The following ERBB4 variants were observed in gnomAD, a reference collection of about 807,000 sequenced individuals.
ERBB4 encodes the protein erb-b2 receptor tyrosine kinase 4.
Under a neutral mutation model 158.0 loss-of-function variants are expected in ERBB4, and 42 were observed. That is an observed-to-expected ratio of 0.27 (90% CI 0.21 to 0.34). The LOEUF (loss-of-function observed/expected upper bound fraction) is 0.34, where lower values mean the gene tolerates loss of function less well. ERBB4 is among the 10% of genes least tolerant of loss of function. ERBB4 has a pLI of 1.00. For missense variants in ERBB4, 1,333 were observed against 1,624.1 expected, an observed-to-expected ratio of 0.82 and a Z score of 3.08; for synonymous variants, 583 against 558.7, an observed-to-expected ratio of 1.04 and a Z score of -0.61.
At chr2:212,222,637 C>T (rs151211982) in intron 1 of ERBB4, among the ~76,000 whole-genome samples, 1,891 of 150,876 alleles carry the variant, frequency 0.013, 28 homozygotes, top group African/African-American at 0.043. Flanking sequence ...ATCATGATTT[C>T]CCACTCTTGC....
intron 1 of ERBB4, among the ~76,000 whole-genome samples, chr2:212,348,756 A>G (rs1021141025): frequency 2.0e-5 from 3 of 152,146 alleles, no homozygotes; most frequent in African/African-American, 7.2e-5. Context: ...TGCCATTTCA[A>G]TCACACAATA....
intron 1 of ERBB4, among the ~76,000 whole-genome samples, chr2:212,263,648 A>C (rs1353698054): frequency 1.3e-5 from 2 of 152,144 alleles, no homozygotes; most frequent in East Asian, 1.9e-4. Flanking sequence ...AAACTGTATT[A>C]ATACATTATA....
At chr2:211,450,909 T>C (rs879294547) in intron 20 of ERBB4, among the ~76,000 whole-genome samples, 3 of 152,238 alleles carry the variant, frequency 2.0e-5, no homozygotes, top group Non-Finnish European at 2.9e-5. Context: ...ATCACTCATA[T>C]TCATGCTGTA....
At chr2:211,686,955 G>C (rs903221682) in intron 12 of ERBB4, among the ~76,000 whole-genome samples, 1 of 152,056 alleles carries the variant, frequency 6.6e-6, no homozygotes, top group Non-Finnish European at 1.5e-5. Flanking sequence ...TAGGTGGGCA[G>C]AGTCACAGAG....
intron 7 of ERBB4, among the ~76,000 whole-genome samples, chr2:211,718,418 A>T (rs2073993305): frequency 6.6e-6 from 1 of 152,204 alleles, no homozygotes; most frequent in Non-Finnish European, 1.5e-5. Flanking sequence ...TGGATTTTGT[A>T]ATATTTGCAT....
In ERBB4 at chr2:211,383,692, A is replaced by T. The variant is rs748475478; in HGVS notation, c.3850T>A (p.Tyr1284Asn). 6 of 1,614,074 alleles carry T rather than the reference A, an allele frequency of 3.7e-6. No homozygotes were observed. The highest frequency in any genetic ancestry group is 5.1e-6 in the Non-Finnish European group (6 of 1,179,964). ...IRPIVAENPE[Y>N]LSEFSLKPGT... ...GGCTTCAGGGAGAACTCAGAGAGGT[A>T]TTCAGGATTCTCTGCCACAATAGGC... The change falls in exon 28 of 28, where the codon TAC (tyrosine) becomes AAC (asparagine). Residue 1284 changes from tyrosine to asparagine, a missense_variant. Physicochemically the swap from Tyr to Asn is moderately radical, Grantham distance 143 (BLOSUM62 -2). Transcript: ENST00000342788.
At chr2:211,704,978 A>C (rs2073384037) in intron 10 of ERBB4, among the ~76,000 whole-genome samples, 1 of 152,044 alleles carries the variant, frequency 6.6e-6, no homozygotes, top group Admixed American at 6.6e-5. Flanking sequence ...GTTATTTTGA[A>C]ATGGAGTCTC....
intron 25 of ERBB4, among the ~76,000 whole-genome samples, chr2:211,397,260 C>T (rs745493775): frequency 6.6e-6 from 1 of 152,122 alleles, no homozygotes; most frequent in Non-Finnish European, 1.5e-5. Context: ...AGCATTCCTG[C>T]ATCTATTTGT....
chr2:211,833,567 T>C (rs998131598), intron 3 of ERBB4, among the ~76,000 whole-genome samples: 1 of 152,006 alleles, frequency 6.6e-6, no homozygotes, highest in Admixed American at 6.6e-5. Context: ...ATGATCATCT[T>C]CCCTGAGGGA....
intron 1 of ERBB4, among the ~76,000 whole-genome samples, chr2:212,364,163 T>C (rs928954439): frequency 6.6e-6 from 1 of 151,736 alleles, no homozygotes; most frequent in African/African-American, 2.4e-5. Context: ...GCCATTCTTT[T>C]GAATCAACCT....
At chr2:211,823,349 A>G (rs1235748878) in intron 3 of ERBB4, among the ~76,000 whole-genome samples, 1 of 151,922 alleles carries the variant, frequency 6.6e-6, no homozygotes, top group Non-Finnish European at 1.5e-5. Context: ...TGCCAGACCC[A>G]AGCTTAATCT....
chr2:211,414,193 G>T (rs2063330959), intron 25 of ERBB4, among the ~76,000 whole-genome samples: 1 of 152,092 alleles, frequency 6.6e-6, no homozygotes, highest in Non-Finnish European at 1.5e-5. Flanking sequence ...CTGATGAAAT[G>T]TTTCTTAGAA....
intron 1 of ERBB4, among the ~76,000 whole-genome samples, chr2:212,198,034 C>T (rs1255833736): frequency 6.6e-6 from 1 of 152,086 alleles, no homozygotes; most frequent in African/African-American, 2.4e-5. Context: ...AGCAAATAAA[C>T]TCAAGTGATA....
At chr2:212,026,793 G>C (rs2076781878) in intron 2 of ERBB4, among the ~76,000 whole-genome samples, 2 of 151,668 alleles carry the variant, frequency 1.3e-5, no homozygotes, top group Non-Finnish European at 1.5e-5. Context: ...TAATCTCCTG[G>C]AGAATGACAT....
At position 212,275,686 on chromosome 2, in the gene ERBB4, A is replaced by C. The variant is rs2085505418; in HGVS notation, c.83-150783T>G. 2.0e-5 allele frequency among the ~76,000 whole-genome samples: 3 copies of C among 151,824 alleles called. No individual in the cohort carries two copies. In the South Asian group the frequency reaches 6.2e-4, roughly 31 times the overall value. ...AGAGCTCCTGAAGGAAGCACTAAAT[A>C]TGGAAAGGAAAAACCGGTACCAGCC... On this transcript the variant is annotated intron_variant, in intron 1 of 27. Coordinates refer to ENST00000342788, the MANE Select transcript of ERBB4 (RefSeq NM_005235.3).
intron 2 of ERBB4, among the ~76,000 whole-genome samples, chr2:212,106,781 T>C (rs553221765): frequency 1.6e-4 from 24 of 152,334 alleles, no homozygotes; most frequent in Middle Eastern, 3.4e-3. Flanking sequence ...CTTGGTGCCC[T>C]GTGCCCCAGG....
intron 1 of ERBB4, among the ~76,000 whole-genome samples, chr2:212,174,037 A>G (rs2081591678): frequency 6.6e-6 from 1 of 152,122 alleles, no homozygotes; most frequent in Non-Finnish European, 1.5e-5. Flanking sequence ...TGTCTGTCTC[A>G]GTAAAGGTCT....
chr2:211,633,448 C>T (rs1254048597), intron 16 of ERBB4, among the ~76,000 whole-genome samples: 3 of 146,912 alleles, frequency 2.0e-5, no homozygotes, highest in South Asian at 4.3e-4. Flanking sequence ...AGTGTGAATA[C>T]AGTGCTCTTA....
chr2:212,023,529 C>A (rs1442718453), intron 2 of ERBB4, among the ~76,000 whole-genome samples: 5 of 149,366 alleles, frequency 3.3e-5, no homozygotes, highest in African/African-American at 7.4e-5. Flanking sequence ...TTAAAAAAAA[C>A]AGATGAATAA....
Sources: gnomAD v4.1 joint callset for allele counts (sites outside exome capture counted in the v4.1 genomes callset) on GRCh38, gnomAD v4.1.1 for gene constraint, MANE v1.5 for transcripts, NCBI Gene and HGNC (gene_info 2026-07-23, HGNC 2026-07-21) for gene names.